CLHC1: variants seen among roughly 807,000 people sequenced by gnomAD.
CLHC1 encodes clathrin heavy chain linker domain-containing protein 1.
Under a neutral mutation model 69.5 loss-of-function variants are expected in CLHC1, and 72 were observed. That is an observed-to-expected ratio of 1.04 (90% CI 0.86 to 1.26). The LOEUF (loss-of-function observed/expected upper bound fraction) is 1.26, where lower values mean the gene tolerates loss of function less well. Among genes scored for constraint, CLHC1 ranks in the 50% most tolerant of loss-of-function variants. The probability of loss-of-function intolerance (pLI) is 0.00; values close to 1 mark genes in which losing one functional copy is unlikely to be tolerated. For synonymous variants in CLHC1, 223 were observed against 224.3 expected, an observed-to-expected ratio of 0.99 and a Z score of 0.05; for missense variants, 790 against 679.3, an observed-to-expected ratio of 1.16 and a Z score of -1.81.
At chr2:55,176,643 T>C (rs1669414694) in intron 12 of CLHC1, among the ~76,000 whole-genome samples, 1 of 152,190 alleles carries the variant, frequency 6.6e-6, no homozygotes, top group Non-Finnish European at 1.5e-5. Flanking sequence ...ATTACCTGCA[T>C]TACTTATGGT....
At chr2:55,210,199 T>A (rs915034393) in intron 5 of CLHC1, among the ~76,000 whole-genome samples, 7 of 151,594 alleles carry the variant, frequency 4.6e-5, no homozygotes, top group Admixed American at 3.9e-4. Flanking sequence ...ATTTTATTTT[T>A]ATTTTTATTT....
intron 9 of CLHC1, among the ~76,000 whole-genome samples, chr2:55,187,658 C>T (rs967545775): frequency 1.3e-5 from 2 of 151,606 alleles, no homozygotes; most frequent in African/African-American, 2.4e-5. Context: ...CCAAATCATA[C>T]TGAACACAAA....
chr2:55,185,350 AC>A (rs773235676), intron 9 of CLHC1, among the ~76,000 whole-genome samples: 1 of 152,154 alleles, frequency 6.6e-6, no homozygotes, highest in Non-Finnish European at 1.5e-5. Flanking sequence ...GCTATTCCTC[AC>A]CCAGTCAGAT....
intron 9 of CLHC1, among the ~76,000 whole-genome samples, chr2:55,198,824 T>C (rs1308314741): frequency 6.6e-6 from 1 of 152,064 alleles, no homozygotes; most frequent in East Asian, 1.9e-4. Flanking sequence ...GACATTTTAG[T>C]GGAAACCTCA....
At chr2:55,178,776 A>G (rs1397626090) in intron 11 of CLHC1, among the ~76,000 whole-genome samples, 1 of 152,112 alleles carries the variant, frequency 6.6e-6, no homozygotes, top group African/African-American at 2.4e-5. Flanking sequence ...CCGAAACATA[A>G]TTTGAACTCT....
intron 11 of CLHC1, among the ~76,000 whole-genome samples, chr2:55,179,534 C>G (rs1279175356): frequency 6.6e-6 from 1 of 152,150 alleles, no homozygotes; most frequent in Non-Finnish European, 1.5e-5. Flanking sequence ...ACTACTAAAA[C>G]TCCTTTTTCC....
chr2:55,212,077 G>C lies in CLHC1; in HGVS notation c.499+596C>G, dbSNP rs140940929. ...GGATCGCTTGAGCCCAGGAGTTTGAGACCAGCGTGGACAACATGATGAAAC... is the reference window on the plus strand; with the variant it reads ...GGATCGCTTGAGCCCAGGAGTTTGACACCAGCGTGGACAACATGATGAAAC... On this transcript the variant is annotated intron_variant, in intron 5 of 12. Transcript: ENST00000401408. Among the ~76,000 whole-genome samples, 464 of 152,298 alleles carry C rather than the reference G, an allele frequency of 3.0e-3. 3 individuals carry two copies. Among genetic ancestry groups the C allele is most frequent in the African/African-American group, 0.011 (460 of 41,568 alleles).
chr2:55,200,626 G>C (rs190616350), intron 9 of CLHC1, among the ~76,000 whole-genome samples: 1 of 152,226 alleles, frequency 6.6e-6, no homozygotes, highest in East Asian at 1.9e-4. Context: ...AGATCATCCA[G>C]ACAGAAAATC....
chr2:55,201,449 A>G (rs1671935558), intron 9 of CLHC1, among the ~76,000 whole-genome samples: 1 of 152,086 alleles, frequency 6.6e-6, no homozygotes, highest in Non-Finnish European at 1.5e-5. Context: ...GACACATACA[A>G]CCCACCAATA....
rs150275236 is a variant in CLHC1 at position 55,183,168 on chromosome 2, T to A, written c.1007-1424A>T. ...ACATGTCTCCTGAGCCTCAATAGGT[T>A]CTAGAGCCAAATCAGAGCCTAACCA... On this transcript the variant is annotated intron_variant, in intron 9 of 12. Transcript: ENST00000401408. 3.2e-4 allele frequency among the ~76,000 whole-genome samples: 49 copies of A among 152,276 alleles called. No homozygotes were observed. In the East Asian group the frequency reaches 9.1e-3, roughly 28 times the overall value.
chr2:55,184,496 C>T (rs1476336467), intron 9 of CLHC1, among the ~76,000 whole-genome samples: 2 of 152,156 alleles, frequency 1.3e-5, no homozygotes, highest in Admixed American at 1.3e-4. Context: ...GTAAAGATAA[C>T]ATTGAAACAA....
rs150161689 is a variant in CLHC1 at position 55,201,804 on chromosome 2, C to A, written c.1006+4466G>T. 1.1e-4 allele frequency among the ~76,000 whole-genome samples: 17 copies of A among 152,126 alleles called. No homozygotes were observed. The East Asian group carries it at 3.1e-3, about 28-fold the overall frequency. ...AACCCCAATAACACATTAAAAAAAT[C>A]ATTCATCATAACCAAGTGGGATTTA... On this transcript the variant is annotated intron_variant, in intron 9 of 12. Transcript: ENST00000401408.
chr2:55,230,524 T>G (rs1433292505), intron 1 of CLHC1, among the ~76,000 whole-genome samples: 4 of 152,152 alleles, frequency 2.6e-5, no homozygotes, highest in African/African-American at 9.7e-5. Flanking sequence ...TGATGATACT[T>G]TAAAAGTTAT....
chr2:55,208,354 T>C (rs184979848), intron 8 of CLHC1, among the ~76,000 whole-genome samples: 26 of 152,340 alleles, frequency 1.7e-4, no homozygotes, highest in African/African-American at 5.1e-4. Flanking sequence ...AATAATTTTG[T>C]GCATGAAACA....
Position 55,208,632 on chromosome 2 carries a change from A to G in CLHC1, c.893T>C (p.Ile298Thr), listed in dbSNP as rs547802696. 2 of 1,597,444 alleles carry G rather than the reference A, an allele frequency of 1.3e-6. No homozygotes were observed. The highest frequency in any genetic ancestry group is 1.7e-6 in the Non-Finnish European group (2 of 1,165,710). ...AKEAEIMLHY[I>T]ERFNELISLG... ...AAGCTTTTAAAATATTTGCCTTTCA[A>G]TGTAGTGAAGCATAATTTCAGCTTC... The change falls in exon 8 of 13, where the codon ATT (isoleucine) becomes ACT (threonine). Residue 298 changes from isoleucine to threonine, a missense_variant. By Grantham distance (89) the Ile-to-Thr change is moderately conservative. Transcript: ENST00000401408.
At chr2:55,209,119 C>T (rs934167606) in intron 7 of CLHC1, among the ~76,000 whole-genome samples, 10 of 151,964 alleles carry the variant, frequency 6.6e-5, no homozygotes, top group Non-Finnish European at 1.3e-4. Flanking sequence ...GTGATCTGCC[C>T]GTCTCAGCCT....
At position 55,222,106 on chromosome 2, in the gene CLHC1, A is replaced by G. The variant is rs1674182019; in HGVS notation, c.177+129T>C. 8 of 666,714 alleles carry G rather than the reference A, an allele frequency of 1.2e-5. No individual in the cohort carries two copies. In the East Asian group the frequency reaches 2.4e-4, roughly 20 times the overall value. The allele number at this position is 666,714 out of a possible 1,614,324, so 41.3% of individuals were successfully genotyped here. A position where few individuals can be genotyped will look rare whatever the true frequency, so the allele number is the denominator to read the frequency against. On this transcript the variant is annotated intron_variant, in intron 3 of 12. Coordinates refer to ENST00000401408, the MANE Select transcript of CLHC1 (RefSeq NM_152385.4). ...CATGCCTTTCTGAGAAATTGGATGA[A>G]CTTCTCAAAATCAGCAAATGGAATG...
intron 9 of CLHC1, among the ~76,000 whole-genome samples, chr2:55,198,598 CAA>C (rs557582034): frequency 6.6e-6 from 1 of 150,660 alleles, no homozygotes; most frequent in Non-Finnish European, 1.5e-5. Flanking sequence ...AAATCCAAAA[CAA>C]AAAAAAGGGA....
intron 9 of CLHC1, among the ~76,000 whole-genome samples, chr2:55,188,130 A>G (rs1670588921): frequency 6.6e-6 from 1 of 152,150 alleles, no homozygotes. Flanking sequence ...CCTGGGCAAC[A>G]TAGCAAGTCT....
Sources: allele counts gnomAD v4.1 joint callset (sites outside exome capture counted in the v4.1 genomes callset), GRCh38; gene constraint gnomAD v4.1.1; transcripts MANE v1.5; gene names NCBI Gene and HGNC (gene_info 2026-07-23, HGNC 2026-07-21).